WDR62: variants seen among roughly 807,000 people sequenced by gnomAD.
WDR62 encodes the protein WD repeat-containing protein 62.
A neutral mutation model predicts 160.6 loss-of-function variants in WDR62; 112 were observed. The ratio of observed to expected loss-of-function variants is 0.70; its 90% CI spans 0.60 to 0.82. WDR62 has a LOEUF of 0.82. Ranked by LOEUF, WDR62 falls within the 40% of genes least tolerant of loss-of-function variation. The probability of loss-of-function intolerance (pLI) is 0.00; values close to 1 mark genes in which losing one functional copy is unlikely to be tolerated. For synonymous variants in WDR62, 792 were observed against 815.1 expected (o/e 0.97, Z 0.48); for missense variants, 1,819 against 1,983.8 (o/e 0.92, Z 1.58).
At chr19:36,108,692 A>G (rs1261620075), downstream of WDR62, among the ~76,000 whole-genome samples, 1 of 151,908 alleles carries the variant, frequency 6.6e-6, no homozygotes, top group Non-Finnish European at 1.5e-5. Flanking sequence ...CACCTCTACA[A>G]AAAATTTTAA....
chr19:36,083,406 A>T (rs1377848688), intron 11 of WDR62, among the ~76,000 whole-genome samples, 165 bp downstream of exon 11: 1 of 152,208 alleles, frequency 6.6e-6, no homozygotes, highest in East Asian at 1.9e-4. Flanking sequence ...TTAAGCTCGT[A>T]AGAGGCTTCC....
intron 5 of WDR62, 45 bp downstream of exon 5, chr19:36,066,472 A>G (rs1318120855): frequency 1.3e-6 from 2 of 1,558,366 alleles, no homozygotes; most frequent in African/African-American, 1.4e-5. Flanking sequence ...CAGCTGCCAC[A>G]GCATCCTATG....
At chr19:36,075,699 G>A (rs559726227) in intron 9 of WDR62, among the ~76,000 whole-genome samples, 1 of 152,308 alleles carries the variant, frequency 6.6e-6, no homozygotes, top group African/African-American at 2.4e-5. Flanking sequence ...GCCTGCCTCG[G>A]CCTCCCAAAG....
chr19:36,068,436 T>TG (rs1971063287), intron 7 of WDR62, among the ~76,000 whole-genome samples: 1 of 152,106 alleles, frequency 6.6e-6, no homozygotes, highest in Non-Finnish European at 1.5e-5. Context: ...AGGACAATAG[T>TG]GGAGGGAAGG....
At chr19:36,057,081 C>CA (rs1305644767) in intron 1 of WDR62, among the ~76,000 whole-genome samples, 2 of 152,156 alleles carry the variant, frequency 1.3e-5, no homozygotes, top group African/African-American at 2.4e-5. Flanking sequence ...TCCCAAAGTG[C>CA]TAGGATTACA....
chr19:36,102,209 T>C (rs933400157), intron 26 of WDR62, 58 bp downstream of exon 26: 1 of 1,612,634 alleles, frequency 6.2e-7, no homozygotes. Context: ...GGGCACAGCA[T>C]TGGCGTCCCT....
At position 36,097,008 on chromosome 19, in the gene WDR62, G is replaced by A. The variant is rs771922777; in HGVS notation, c.2468-19G>A. On this transcript the variant is annotated intron_variant, in intron 20 of 31. Coordinates refer to ENST00000401500, the MANE Select transcript of WDR62 (RefSeq NM_001083961.2). The stretch of plus-strand genomic sequence containing the variant: ...GTTGGGTTGTTTGTCCTCTTTTCAT[G>A]GATTCTGTGTCTTTCCAGATCCTCG... The A allele has an allele frequency of 3.7e-6, 6 of 1,607,410 alleles. No individual in the cohort carries two copies. In the South Asian group the frequency reaches 6.7e-5, roughly 18 times the overall value.
In WDR62 at chr19:36,103,093, T is replaced by G; in HGVS notation, c.3462+19T>G. The G allele has an allele frequency of 6.2e-7, 1 of 1,613,954 alleles. No homozygotes were observed. The highest frequency in any genetic ancestry group is 8.5e-7 in the Non-Finnish European group (1 of 1,180,010). ...GACCCACGTGAGTATTGGGCCCACC[T>G]CCGTCAGGGCACGGGGCTGGGAACC... On this transcript the variant is annotated intron_variant, in intron 28 of 31. Coordinates refer to ENST00000401500, the MANE Select transcript of WDR62 (RefSeq NM_001083961.2).
chr19:36,082,936 T>C, intron 10 of WDR62, 127 bp from the exon 11 acceptor site: 2 of 782,248 alleles, frequency 2.6e-6, no homozygotes, highest in Admixed American at 2.0e-5. Context: ...ATTATTCTGA[T>C]TGGTGAAACT....
downstream of WDR62, among the ~76,000 whole-genome samples, chr19:36,105,392 C>G (rs979294091): frequency 6.6e-6 from 1 of 152,144 alleles, no homozygotes; most frequent in African/African-American, 2.4e-5. Flanking sequence ...TGCCTGAGAA[C>G]TCACTGGGGC....
intron 7 of WDR62, among the ~76,000 whole-genome samples, chr19:36,068,823 C>T (rs537735122): frequency 4.7e-4 from 71 of 152,264 alleles, no homozygotes; most frequent in African/African-American, 1.6e-3. Flanking sequence ...TTTTCTATTC[C>T]ACAAAACCGC....
chr19:36,105,044 A>G lies in WDR62; in HGVS notation c.*16A>G. 3 of 1,588,416 alleles carry G rather than the reference A, an allele frequency of 1.9e-6. No individual in the cohort carries two copies. The highest frequency in any genetic ancestry group is 1.7e-6 in the Non-Finnish European group (2 of 1,175,192). ...GGGGCACTGAGGGCGCAGCCCCTCC[A>G]CCGCAGCCCTGCTGCTTCTGAGGAC... is the stretch of plus-strand genomic sequence containing the variant. On this transcript the variant is annotated 3_prime_UTR_variant, in exon 32 of 32. Transcript: ENST00000401500.
chr19:36,104,746 A>T (rs979194124), intron 31 of WDR62, 22 bp from the exon 32 acceptor site: 1 of 1,613,754 alleles, frequency 6.2e-7, no homozygotes, highest in Non-Finnish European at 8.5e-7. Flanking sequence ...GTGGCCCCTG[A>T]CAAGGCTGGC....
chr19:36,067,166 C>T (rs1229313443), intron 5 of WDR62, 140 bp from the exon 6 acceptor site: 2 of 1,114,716 alleles, frequency 1.8e-6, no homozygotes, highest in Non-Finnish European at 2.7e-6. Flanking sequence ...ATAGGTTTCC[C>T]CATACAGCAG....
rs142587869 is a variant in WDR62 at position 36,067,655 on chromosome 19, T to C, written c.700-173T>C. On this transcript the variant is annotated intron_variant, in intron 6 of 31. Coordinates refer to ENST00000401500, the MANE Select transcript of WDR62 (RefSeq NM_001083961.2). Reference sequence around the variant, plus strand: ...TGACCCTGGGACCAGCTCTCATTCTTGGACTGCTGCTGTCCAGCCCCTCTG... The same window carrying C: ...TGACCCTGGGACCAGCTCTCATTCTCGGACTGCTGCTGTCCAGCCCCTCTG... Among the ~76,000 whole-genome samples, 14 of 152,358 alleles carry C rather than the reference T, an allele frequency of 9.2e-5. No homozygotes were observed. In the East Asian group the frequency reaches 1.9e-3, roughly 21 times the overall value.
At chr19:36,086,846 C>G (rs182224610) in intron 13 of WDR62, 34 bp downstream of exon 13, 1 of 1,600,376 alleles carries the variant, frequency 6.2e-7, no homozygotes. Flanking sequence ...CTGCGCCTTG[C>G]TAGCTACCCT....
At chr19:36,096,678 T>C (rs529674670) in intron 20 of WDR62, among the ~76,000 whole-genome samples, 25 of 146,974 alleles carry the variant, frequency 1.7e-4, no homozygotes, top group African/African-American at 5.4e-4. Flanking sequence ...GCCACTGCAC[T>C]CCAGCCTGGG....
rs947472577 is a variant in WDR62 at position 36,086,177 on chromosome 19, C to G, written c.1643-510C>G. 2.6e-5 allele frequency among the ~76,000 whole-genome samples: 4 copies of G among 152,112 alleles called. No homozygotes were observed. The East Asian group carries it at 7.7e-4, about 29-fold the overall frequency. On this transcript the variant is annotated intron_variant, in intron 12 of 31. Transcript: ENST00000401500. ...TCACTCGGTTCGCCTCTCCTGATCT[C>G]CCCTCTGCCTCAGGTCATGTTATTA...
At chr19:36,097,181 C>A in intron 21 of WDR62, 102 bp downstream of exon 21, 2 of 1,123,904 alleles carry the variant, frequency 1.8e-6, no homozygotes, top group Non-Finnish European at 2.6e-6. Flanking sequence ...CCTCTTTTCC[C>A]TGGAGAAGCC....
Sources: gnomAD v4.1 joint callset for allele counts (sites outside exome capture counted in the v4.1 genomes callset) on GRCh38, gnomAD v4.1.1 for gene constraint, MANE v1.5 for transcripts, NCBI Gene and HGNC (gene_info 2026-07-23, HGNC 2026-07-21) for gene names.